Variants in BAIAP2 observed in about 807,000 individuals in gnomAD.
The protein encoded by BAIAP2 is BAR/IMD domain containing adaptor protein 2, also known as BAR/IMD domain-containing adapter protein 2.
BAIAP2 carries 18 observed loss-of-function variants against 63.0 expected under a neutral mutation model. The ratio of observed to expected loss-of-function variants is 0.29; its 90% confidence interval spans 0.20 to 0.42. The LOEUF (loss-of-function observed/expected upper bound fraction) is 0.42, where lower values mean the gene tolerates loss of function less well. Among genes scored for constraint, BAIAP2 ranks in the 10% least tolerant of loss-of-function variants. The pLI, the probability that BAIAP2 is intolerant of heterozygous loss-of-function variation, is 1.00. For synonymous variants in BAIAP2, 386 were observed against 307.6 expected, an observed-to-expected ratio of 1.25 and a Z score of -2.67; for missense variants, 610 against 734.3, an observed-to-expected ratio of 0.83 and a Z score of 1.96.
intron 3 of BAIAP2, among the ~76,000 whole-genome samples, chr17:81,064,670 G>GGTCAGAGC (rs1850878327): frequency 6.6e-6 from 1 of 152,184 alleles, no homozygotes; most frequent in Admixed American, 6.5e-5. Flanking sequence ...GGAGTGGCTG[G>GGTCAGAGC]GTCAGAGCCG....
In BAIAP2 at chr17:81,116,198, C is replaced by T. The variant is rs750179172; in HGVS notation, c.*359C>T. 6.2e-6 allele frequency: 10 copies of T among 1,607,726 alleles called. No homozygotes were observed. The highest frequency in any genetic ancestry group is 1.6e-4 in the Middle Eastern group (1 of 6,066). On this transcript the variant is annotated 3_prime_UTR_variant, in exon 14 of 14. Transcript: ENST00000428708. ...GGAGCCTGGCTGCCCTGCTGCTTCT[C>T]CTGCCTAATAAACAGGCTTCTCCTG...
chr17:81,068,815 G>T (rs932123100), intron 3 of BAIAP2, among the ~76,000 whole-genome samples: 1 of 152,198 alleles, frequency 6.6e-6, no homozygotes, highest in Non-Finnish European at 1.5e-5. Flanking sequence ...CTGGTTGCCA[G>T]TGTCTCTGTC....
intron 6 of BAIAP2, among the ~76,000 whole-genome samples, chr17:81,093,580 C>G (rs992827521): frequency 6.6e-6 from 1 of 152,042 alleles, no homozygotes; most frequent in Non-Finnish European, 1.5e-5. Context: ...TCCGTAGCAC[C>G]GGCAGGATCA....
intron 3 of BAIAP2, among the ~76,000 whole-genome samples, chr17:81,075,862 C>T (rs1274716100): frequency 6.6e-6 from 1 of 152,196 alleles, no homozygotes; most frequent in Non-Finnish European, 1.5e-5. Flanking sequence ...ATGAGGCCAG[C>T]TGGGCACTGC....
At chr17:81,059,269 C>T (rs941723271) in intron 3 of BAIAP2, among the ~76,000 whole-genome samples, 1 of 152,132 alleles carries the variant, frequency 6.6e-6, no homozygotes, top group Admixed American at 6.5e-5. Context: ...GCACTCTGGG[C>T]GGGGTCCCCG....
At chr17:81,112,765 G>A (rs1055350476) in intron 13 of BAIAP2, among the ~76,000 whole-genome samples, 8 of 152,210 alleles carry the variant, frequency 5.3e-5, no homozygotes, top group African/African-American at 1.7e-4. Context: ...TGAAGCTGCC[G>A]CTTGGCCGAG....
intron 3 of BAIAP2, among the ~76,000 whole-genome samples, chr17:81,060,727 C>G (rs1040934177): frequency 6.6e-6 from 1 of 152,220 alleles, no homozygotes; most frequent in Non-Finnish European, 1.5e-5. Flanking sequence ...AAGTCAGCCA[C>G]TTCCCACCCT....
intron 13 of BAIAP2, among the ~76,000 whole-genome samples, chr17:81,111,759 C>T (rs1348983569): frequency 6.6e-6 from 1 of 152,230 alleles, no homozygotes; most frequent in Non-Finnish European, 1.5e-5. Context: ...CCTCTGCCCT[C>T]ATAGGGGGCC....
chr17:81,045,744 T>G (rs1568065828), intron 1 of BAIAP2, among the ~76,000 whole-genome samples: 1 of 152,122 alleles, frequency 6.6e-6, no homozygotes, highest in African/African-American at 2.4e-5. Flanking sequence ...CCTGGGTGTC[T>G]CCCTTCGGTC....
In BAIAP2 at chr17:81,115,658, C is replaced by G. The variant is rs1224554147; in HGVS notation, c.1536-112C>G. On this transcript the variant is annotated intron_variant, in intron 13 of 13. Coordinates refer to ENST00000428708, the MANE Select transcript of BAIAP2 (RefSeq NM_001144888.2). ...GTCTGTGAGCTCTGTGCCCTGAGATCGGACCGTAGGCATCCAGCACTGGGG... is the reference window on the plus strand; with the variant it reads ...GTCTGTGAGCTCTGTGCCCTGAGATGGGACCGTAGGCATCCAGCACTGGGG... 11 of 1,270,712 alleles carry G rather than the reference C, an allele frequency of 8.7e-6. No individual in the cohort carries two copies. In the Admixed American group the frequency reaches 1.3e-4, roughly 15 times the overall value. The allele number at this position is 1,270,712 out of a possible 1,614,324, so 78.7% of individuals were successfully genotyped here. A position where few individuals can be genotyped will look rare whatever the true frequency, so the allele number is the denominator to read the frequency against.
At chr17:81,061,343 G>A (rs1291963318) in intron 3 of BAIAP2, among the ~76,000 whole-genome samples, 1 of 152,176 alleles carries the variant, frequency 6.6e-6, no homozygotes, top group African/African-American at 2.4e-5. Context: ...AGTGTCCAGT[G>A]TGATGAGTTT....
At chr17:81,075,771 A>G (rs1598651418) in intron 3 of BAIAP2, among the ~76,000 whole-genome samples, 1 of 152,140 alleles carries the variant, frequency 6.6e-6, no homozygotes, top group Non-Finnish European at 1.5e-5. Flanking sequence ...GGTGGGCCTC[A>G]AGTCCTGCTC....
intron 1 of BAIAP2, among the ~76,000 whole-genome samples, chr17:81,035,561 C>T (rs968486474): frequency 1.3e-5 from 2 of 149,656 alleles, no homozygotes; most frequent in African/African-American, 4.9e-5. Context: ...CGGTCAGTCC[C>T]CAGCCCCAGG....
chr17:81,082,074 G>A (rs960844026), intron 3 of BAIAP2, among the ~76,000 whole-genome samples: 1 of 152,160 alleles, frequency 6.6e-6, no homozygotes, highest in East Asian at 1.9e-4. Context: ...TGGCCCCGGG[G>A]CCAGCGTGGT....
In BAIAP2 at chr17:81,085,405, T is replaced by C. The variant is rs1042565176; in HGVS notation, c.280-249T>C. ...GCAGAGGAAGGAGGGGATGGCCGTT[T>C]GTTTCCCTTGTGGCTGTTTGGAGGC... is the stretch of plus-strand genomic sequence containing the variant. On this transcript the variant is annotated intron_variant, in intron 4 of 13. Transcript: ENST00000428708. 11 of 651,450 alleles carry C rather than the reference T, an allele frequency of 1.7e-5. No individual in the cohort carries two copies. The Admixed American group carries it at 1.7e-4, about 10-fold the overall frequency. The allele number at this position is 651,450 out of a possible 1,614,324, so 40.4% of individuals were successfully genotyped here.
chr17:81,091,470 G>A (rs1333231083), intron 6 of BAIAP2, among the ~76,000 whole-genome samples: 1 of 152,080 alleles, frequency 6.6e-6, no homozygotes, highest in Non-Finnish European at 1.5e-5. Context: ...ATAGTTCACG[G>A]TGCCCCCTTG....
At chr17:81,060,637 C>T (rs898148227) in intron 3 of BAIAP2, among the ~76,000 whole-genome samples, 1 of 152,230 alleles carries the variant, frequency 6.6e-6, no homozygotes, top group Non-Finnish European at 1.5e-5. Flanking sequence ...CTCTCCTGGG[C>T]ATGCACCGAA....
intron 10 of BAIAP2, among the ~76,000 whole-genome samples, 168 bp downstream of exon 10, chr17:81,104,883 G>T (rs951972784): frequency 6.6e-6 from 1 of 152,092 alleles, no homozygotes; most frequent in Non-Finnish European, 1.5e-5. Flanking sequence ...TGGGGTCTTC[G>T]CCACCAACAG....
At chr17:81,062,752 C>T (rs1266377645) in intron 3 of BAIAP2, among the ~76,000 whole-genome samples, 10 of 148,180 alleles carry the variant, frequency 6.7e-5, no homozygotes, top group Middle Eastern at 3.5e-3. Context: ...TGAGCCAGTA[C>T]GTGTCTGCCA....
Sources: allele counts gnomAD v4.1 joint callset (sites outside exome capture counted in the v4.1 genomes callset), GRCh38; gene constraint gnomAD v4.1.1; transcripts MANE v1.5; gene names NCBI Gene and HGNC (gene_info 2026-07-23, HGNC 2026-07-21).